CCDC15: variants seen among roughly 807,000 people sequenced by gnomAD.
The protein encoded by CCDC15 is coiled-coil domain containing 15.
In CCDC15, 105 loss-of-function variants were observed where a neutral mutation model predicts 114.5. The ratio of observed to expected loss-of-function variants is 0.92; its 90% CI spans 0.78 to 1.08. CCDC15 has a LOEUF of 1.08. Among genes scored for constraint, CCDC15 ranks in the 50% least tolerant of loss-of-function variants. The pLI is 0.00. For missense variants in CCDC15, 1,105 were observed against 1,093.6 expected (o/e 1.01, Z -0.15); for synonymous variants, 334 against 377.8 (o/e 0.88, Z 1.34).
At chr11:125,037,471 G>A (rs1948783792) in intron 13 of CCDC15, 1 of 152,256 alleles carries the variant, frequency 6.6e-6, no homozygotes, top group Non-Finnish European at 1.5e-5. Context: ...GAGACTCTCT[G>A]TTCATTTCTG....
intron 13 of CCDC15, among the ~76,000 whole-genome samples, chr11:125,026,569 T>G (rs892093892): frequency 1.3e-5 from 2 of 152,194 alleles, no homozygotes; most frequent in Admixed American, 1.3e-4. Context: ...GTAGATAGTT[T>G]TAAAATTTGA....
chr11:124,964,585 AACAGGG>A, intron 4 of CCDC15, among the ~76,000 whole-genome samples: 1 of 152,332 alleles, frequency 6.6e-6, no homozygotes, highest in South Asian at 2.1e-4. Context: ...GTCATCTGCA[AACAGGG>A]ACAATTTGAC....
intron 11 of CCDC15, among the ~76,000 whole-genome samples, chr11:124,995,157 TG>T (rs1374616676): frequency 6.6e-6 from 1 of 152,168 alleles, no homozygotes; most frequent in Non-Finnish European, 1.5e-5. Context: ...TTGCATATGT[TG>T]TTTCCTCTTG....
At position 124,977,482 on chromosome 11, in the gene CCDC15, T is replaced by A. The variant is rs1947992612; in HGVS notation, c.635T>A (p.Val212Glu). The change falls in exon 6 of 16, where the codon GTG (valine) becomes GAG (glutamate). Residue 212 changes from valine (V) to glutamate (E), a missense_variant. By Grantham distance (121) the Val-to-Glu change is moderately radical. Transcript: ENST00000344762. Reference sequence around the variant, plus strand: ...TTGTAGTAATTTTTTTTCCAGGAAGTGCTTTCCAGGAAACCAGCATCCACT... The same window carrying A: ...TTGTAGTAATTTTTTTTCCAGGAAGAGCTTTCCAGGAAACCAGCATCCACT... ...GRKSFLTREE[V>E]LSRKPASTGI... 1 of 1,587,448 alleles carries A rather than the reference T, an allele frequency of 6.3e-7. No homozygotes were observed. The highest frequency in any genetic ancestry group is 8.6e-7 in the Non-Finnish European group (1 of 1,167,624).
At chr11:124,991,045 C>T (rs371474447) in intron 8 of CCDC15, among the ~76,000 whole-genome samples, 3 of 152,206 alleles carry the variant, frequency 2.0e-5, no homozygotes, top group Non-Finnish European at 2.9e-5. Flanking sequence ...AAAGTCTTAA[C>T]CTGTCATTCT....
At position 125,004,006 on chromosome 11, in the gene CCDC15, G is replaced by C. The variant is rs956336248; in HGVS notation, c.2307+47G>C. ...GGATCCCAATATTTCTACTATGATA[G>C]TATTAATATATGAGAAATTGGAAAC... On this transcript the variant is annotated intron_variant, in intron 12 of 15. Transcript: ENST00000344762. 2.6e-5 allele frequency: 25 copies of C among 952,136 alleles called. No homozygotes were observed. The Admixed American group carries it at 2.9e-4, about 11-fold the overall frequency. The allele number at this position is 952,136 out of a possible 1,614,324, so 59.0% of individuals were successfully genotyped here.
chr11:124,975,155 A>G lies in CCDC15; in HGVS notation c.576A>G (p.Lys192=). The change falls in exon 5 of 16, where the codon AAA becomes AAG. Residue 192 remains lysine (K), a synonymous_variant. Coordinates refer to ENST00000344762, the MANE Select transcript of CCDC15 (RefSeq NM_025004.3). ...TAGCATCCTTTAAAACCGTGATTAA[A>G]AAAAAGGGATCAGTGTTTCCAGATG... The part of the protein sequence containing the change: ...HRLASFKTVI[K]KKGSVFPDDG... 3 of 1,606,746 alleles carry G rather than the reference A, an allele frequency of 1.9e-6. No individual in the cohort carries two copies. Among genetic ancestry groups the G allele is most frequent in the Non-Finnish European group, 2.5e-6 (3 of 1,177,172 alleles).
chr11:125,008,973 C>G, intron 13 of CCDC15, among the ~76,000 whole-genome samples: 1 of 152,116 alleles, frequency 6.6e-6, no homozygotes, highest in East Asian at 1.9e-4. Flanking sequence ...AATCCTAGCA[C>G]TTTGGGAGGC....
intron 8 of CCDC15, among the ~76,000 whole-genome samples, chr11:124,989,057 T>G (rs1948224997): frequency 6.6e-6 from 1 of 152,252 alleles, no homozygotes; most frequent in African/African-American, 2.4e-5. Context: ...CCAGAGGGTA[T>G]CAACTTACTT....
At chr11:124,998,085 T>A (rs547468147) in intron 11 of CCDC15, among the ~76,000 whole-genome samples, 14 of 152,198 alleles carry the variant, frequency 9.2e-5, no homozygotes, top group Non-Finnish European at 1.3e-4. Flanking sequence ...AAGGCATAAC[T>A]TCTAAGCAAT....
intron 6 of CCDC15, among the ~76,000 whole-genome samples, chr11:124,980,156 C>A (rs1948044604): frequency 6.6e-6 from 1 of 152,064 alleles, no homozygotes; most frequent in African/African-American, 2.4e-5. Flanking sequence ...TGATGCACTG[C>A]TGGATTTGGT....
chr11:124,960,725 T>A (rs73020314), intron 4 of CCDC15, among the ~76,000 whole-genome samples: 5,982 of 152,286 alleles, frequency 0.039, 143 homozygotes, highest in Middle Eastern at 0.092. Context: ...TTAACCACTG[T>A]GAGTAGATTT....
rs895537495 is a variant in CCDC15 at position 124,987,303 on chromosome 11, T to C, written c.1077T>C (p.Asp359=). ...DLTGIQSVKP[D]TQAVEMKVQV... is the part of the protein sequence containing the mutation. ...CAGGAATCCAGAGTGTTAAGCCAGATACCCAGGCTGTTGAAATGAAGGTTC... is the reference window on the plus strand; with the variant it reads ...CAGGAATCCAGAGTGTTAAGCCAGACACCCAGGCTGTTGAAATGAAGGTTC... The change falls in exon 8 of 16, where the codon GAT becomes GAC. Residue 359 remains aspartate, a synonymous_variant. Transcript: ENST00000344762. 8 of 1,612,176 alleles carry C rather than the reference T, an allele frequency of 5.0e-6. No individual in the cohort carries two copies. Among genetic ancestry groups the C allele is most frequent in the Non-Finnish European group, 5.9e-6 (7 of 1,179,252 alleles).
chr11:125,011,244 T>A (rs1215946230), intron 13 of CCDC15, among the ~76,000 whole-genome samples: 1 of 146,838 alleles, frequency 6.8e-6, no homozygotes, highest in Non-Finnish European at 1.5e-5. Flanking sequence ...TTATTATTAT[T>A]ATTATTTTTT....
chr11:124,966,735 A>G (rs576896729), intron 4 of CCDC15, among the ~76,000 whole-genome samples: 1 of 152,170 alleles, frequency 6.6e-6, no homozygotes, highest in African/African-American at 2.4e-5. Flanking sequence ...TCTTCCTAGC[A>G]TCGATGGTCT....
rs1303173846 is a variant in CCDC15, at chr11:124,954,278, A to C, written c.-102A>C. 1 of 157,850 alleles carries C rather than the reference A, an allele frequency of 6.3e-6. No homozygotes were observed. Among genetic ancestry groups the C allele is most frequent in the East Asian group, 1.8e-4 (1 of 5,466 alleles). The allele number at this position is 157,850 out of a possible 1,614,324, so 9.8% of individuals were successfully genotyped here. ...GCCGGAGCAGGCCTCGGGGCCTCAG[A>C]AGCAGGCTTTTATCTGGCCCGAGGC... On this transcript the variant is annotated 5_prime_UTR_variant, in exon 1 of 16. Coordinates refer to ENST00000344762, the MANE Select transcript of CCDC15 (RefSeq NM_025004.3).
chr11:124,974,120 G>A (rs1474902339), intron 4 of CCDC15, among the ~76,000 whole-genome samples: 1 of 152,024 alleles, frequency 6.6e-6, no homozygotes, highest in African/African-American at 2.4e-5. Flanking sequence ...GATTACAGGT[G>A]TGCACCACCA....
intron 4 of CCDC15, among the ~76,000 whole-genome samples, chr11:124,972,690 A>G (rs1591578281): frequency 6.6e-6 from 1 of 152,182 alleles, no homozygotes; most frequent in South Asian, 2.1e-4. Flanking sequence ...AGGTGTCCTC[A>G]GGGCTGTGCT....
chr11:124,975,119 A>G lies in CCDC15; in HGVS notation c.540A>G (p.Ala180=). The part of the protein sequence containing the change: ...AQALSETMKQ[A]RHRLASFKTV... The stretch of plus-strand genomic sequence containing the variant: ...AGCTTAGTGAAACTATGAAACAGGC[A>G]CGTCACCGGCTAGCATCCTTTAAAA... Residue 180 remains alanine, a synonymous_variant, in exon 5 of 16, where the codon GCA becomes GCG. Transcript: ENST00000344762. The G allele has an allele frequency of 6.3e-7, 1 of 1,589,560 alleles. No homozygotes were observed. The highest frequency in any genetic ancestry group is 8.5e-7 in the Non-Finnish European group (1 of 1,170,220).
Sources: gnomAD v4.1 joint callset for allele counts (sites outside exome capture counted in the v4.1 genomes callset) on GRCh38, gnomAD v4.1.1 for gene constraint, MANE v1.5 for transcripts, NCBI Gene and HGNC (gene_info 2026-07-23, HGNC 2026-07-21) for gene names.